PGBD1: variants seen among roughly 807,000 people sequenced by gnomAD.
PGBD1 encodes the protein piggyBac transposable element-derived protein 1.
Under a neutral mutation model 34.7 loss-of-function variants are expected in PGBD1, and 25 were observed. The ratio of observed to expected loss-of-function variants is 0.72; its 90% CI spans 0.52 to 1.00. The LOEUF (loss-of-function observed/expected upper bound fraction) is 1.00, where lower values mean the gene tolerates loss of function less well. PGBD1 is among the 50% of genes least tolerant of loss of function. The probability of loss-of-function intolerance (pLI) is 0.00; values close to 1 mark genes in which losing one functional copy is unlikely to be tolerated. For missense variants in PGBD1, 830 were observed against 959.4 expected, an observed-to-expected ratio of 0.87 and a Z score of 1.78; for synonymous variants, 292 against 335.7, an observed-to-expected ratio of 0.87 and a Z score of 1.42.
rs375177248 is a variant in PGBD1, at chr6:28,301,020, G to T, written c.1166G>T (p.Ser389Ile). The change falls in exon 7 of 7, where the codon AGT becomes ATT. Residue 389 changes from serine (S) to isoleucine (I), a missense_variant. Coordinates refer to ENST00000682144, the MANE Select transcript of PGBD1 (RefSeq NM_032507.4). ...KLKVSCFPEK[S>I]WTKRDIKPNF... ...AAGGTATCATGTTTCCCAGAAAAGA[G>T]TTGGACCAAAAGAGACATTAAACCC... is the stretch of plus-strand genomic sequence containing the variant. The T allele has an allele frequency of 1.2e-6, 2 of 1,614,070 alleles. No individual in the cohort carries two copies. Among genetic ancestry groups the T allele is most frequent in the African/African-American group, 2.7e-5 (2 of 74,936 alleles).
chr6:28,300,224 T>C lies in PGBD1; in HGVS notation c.870-500T>C, dbSNP rs935698703. 1.3e-5 allele frequency among the ~76,000 whole-genome samples: 2 copies of C among 152,332 alleles called. No individual in the cohort carries two copies. Among genetic ancestry groups the C allele is most frequent in the Middle Eastern group, 3.4e-3 (1 of 294 alleles). On this transcript the variant is annotated intron_variant, in intron 6 of 6. Transcript: ENST00000682144. The surrounding 1 kb of genome is among the most constrained non-coding windows in gnomAD (Gnocchi z 4.0). Reference sequence around the variant, plus strand: ...AAGACCTGGTAAATAATAACCTTTTTTTCTTGTTCAGATTCAGAACCAATT... The same window carrying C: ...AAGACCTGGTAAATAATAACCTTTTCTTCTTGTTCAGATTCAGAACCAATT...
At chr6:28,297,473 C>T (rs1175939817) in intron 5 of PGBD1, among the ~76,000 whole-genome samples, 1 of 152,122 alleles carries the variant, frequency 6.6e-6, no homozygotes. Flanking sequence ...AACTCCTGGG[C>T]TCAACTGATC....
chr6:28,291,889 T>C (rs759386235), intron 4 of PGBD1, among the ~76,000 whole-genome samples: 14 of 152,188 alleles, frequency 9.2e-5, no homozygotes, highest in Non-Finnish European at 2.1e-4. Flanking sequence ...AAGCATTTGA[T>C]AAAATTCATT....
At chr6:28,282,360 A>C (rs776317208) in intron 1 of PGBD1, among the ~76,000 whole-genome samples, 1 of 152,214 alleles carries the variant, frequency 6.6e-6, no homozygotes, top group Non-Finnish European at 1.5e-5. Context: ...AAAACCCAGT[A>C]AAGATTAGAT....
rs761784644 is a variant in PGBD1 at position 28,300,122 on chromosome 6, A to G, written c.870-602A>G. Among the ~76,000 whole-genome samples the G allele has an allele frequency of 6.6e-6, 1 of 152,182 alleles. No individual in the cohort carries two copies. The highest frequency in any genetic ancestry group is 1.5e-5 in the Non-Finnish European group (1 of 68,034). On this transcript the variant is annotated intron_variant, in intron 6 of 6. Transcript: ENST00000682144. This position sits in a 1 kb window ranked among gnomAD's most constrained non-coding sequence, Gnocchi z 4.0. ...AGTTTCATTTGTTTTTCCCCAGAGT[A>G]GTATGTCCATCAGATGAATGTAGAA...
intron 4 of PGBD1, among the ~76,000 whole-genome samples, chr6:28,290,227 C>G (rs537090990): frequency 1.4e-4 from 21 of 152,256 alleles, no homozygotes; most frequent in Middle Eastern, 3.4e-3. Flanking sequence ...TCCCAAGTAG[C>G]TGGGACCACA....
intron 3 of PGBD1, among the ~76,000 whole-genome samples, chr6:28,286,130 C>CG (rs1762279350): frequency 6.6e-6 from 1 of 152,086 alleles, no homozygotes; most frequent in Non-Finnish European, 1.5e-5. Context: ...AAAAGTGAAT[C>CG]GGGGCAAGGC....
intron 3 of PGBD1, among the ~76,000 whole-genome samples, 194 bp downstream of exon 3, chr6:28,285,901 T>C (rs1314895305): frequency 6.6e-6 from 1 of 152,242 alleles, no homozygotes; most frequent in Non-Finnish European, 1.5e-5. Context: ...GTATACAATA[T>C]ATTATTATTA....
At chr6:28,288,766 G>C (rs1371552639) in intron 4 of PGBD1, among the ~76,000 whole-genome samples, 1 of 151,958 alleles carries the variant, frequency 6.6e-6, no homozygotes, top group Non-Finnish European at 1.5e-5. Flanking sequence ...GAGGTGGGTG[G>C]ATCACGAGGT....
At position 28,302,383 on chromosome 6, in the gene PGBD1, A is replaced by G; in HGVS notation, c.*99A>G. 4 of 1,188,088 alleles carry G rather than the reference A, an allele frequency of 3.4e-6. No individual in the cohort carries two copies. The highest frequency in any genetic ancestry group is 4.6e-6 in the Non-Finnish European group (4 of 862,250). The allele number at this position is 1,188,088 out of a possible 1,614,324, so 73.6% of individuals were successfully genotyped here. A position where few individuals can be genotyped will look rare whatever the true frequency, so the allele number is the denominator to read the frequency against. ...TCCCAAAGTAAATCTGATATATGTA[A>G]TGAAGTTATTAAATAATACTTTTAA... On this transcript the variant is annotated 3_prime_UTR_variant, in exon 7 of 7. Transcript: ENST00000682144.
At chr6:28,285,838 CT>C in intron 3 of PGBD1, 131 bp downstream of exon 3, 2 of 903,680 alleles carry the variant, frequency 2.2e-6, no homozygotes, top group Non-Finnish European at 3.3e-6. Context: ...TCACAGTTAC[CT>C]TTTATGTGTC....
rs554045225 is a variant in PGBD1 at position 28,284,333 on chromosome 6, C to T, written c.396+124C>T. ...AAGTATTAGAAGAATAGAGAACTCC[C>T]GTAAAACTCTTCATCCAAATTTGCC... On this transcript the variant is annotated intron_variant, in intron 2 of 6. Coordinates refer to ENST00000682144, the MANE Select transcript of PGBD1 (RefSeq NM_032507.4). The T allele has an allele frequency of 5.6e-5, 63 of 1,124,380 alleles. 1 individual carries two copies. The East Asian group carries it at 6.9e-4, about 12-fold the overall frequency. 69.7% of individuals were successfully genotyped at this position (1,124,380 alleles called of 1,614,324 possible). A position where few individuals can be genotyped will look rare whatever the true frequency, so the allele number is the denominator to read the frequency against.
At position 28,283,762 on chromosome 6, in the gene PGBD1, A is replaced by G. The variant is rs41269291; in HGVS notation, c.-38-14A>G. ...ATAAATTCTTATGCCTCAGATCTCT[A>G]TTTCTGAATATAGACCCCAAGCTAA... is the stretch of plus-strand genomic sequence containing the variant. On this transcript the variant is annotated splice_polypyrimidine_tract_variant and intron_variant, in intron 1 of 6. Coordinates refer to ENST00000682144, the MANE Select transcript of PGBD1 (RefSeq NM_032507.4). 72,148 of 1,508,868 alleles carry G rather than the reference A, an allele frequency of 0.048. 2,042 individuals carry two copies. The highest frequency in any genetic ancestry group is 0.056 in the Non-Finnish European group (63,361 of 1,129,866). The allele number at this position is 1,508,868 out of a possible 1,614,324, so 93.5% of individuals were successfully genotyped here. A position where few individuals can be genotyped will look rare whatever the true frequency, so the allele number is the denominator to read the frequency against.
chr6:28,290,350 C>G (rs1762408991), intron 4 of PGBD1, among the ~76,000 whole-genome samples: 1 of 152,316 alleles, frequency 6.6e-6, no homozygotes, highest in Admixed American at 6.5e-5. Context: ...CCCACCTTGA[C>G]CTCCCAAAGT....
At position 28,300,405 on chromosome 6, in the gene PGBD1, A is replaced by G. The variant is rs143135058; in HGVS notation, c.870-319A>G. Among the ~76,000 whole-genome samples the G allele has an allele frequency of 1.5e-3, 224 of 152,260 alleles. 2 individuals carry two copies. The highest frequency in any genetic ancestry group is 2.1e-3 in the Non-Finnish European group (144 of 68,024). Reference sequence around the variant, plus strand: ...ATGTCCCTCTGCATAGGTCTTCTCAATGCAACTTGGGGCACCAAGGAGCAT... The same window carrying G: ...ATGTCCCTCTGCATAGGTCTTCTCAGTGCAACTTGGGGCACCAAGGAGCAT... On this transcript the variant is annotated intron_variant, in intron 6 of 6. Coordinates refer to ENST00000682144, the MANE Select transcript of PGBD1 (RefSeq NM_032507.4). This position sits in a 1 kb window ranked among gnomAD's most constrained non-coding sequence, Gnocchi z 4.0.
Position 28,287,093 on chromosome 6 carries a change from C to T in PGBD1, c.567C>T (p.His189=), listed in dbSNP as rs748628317. 3.7e-6 allele frequency: 6 copies of T among 1,613,714 alleles called. No homozygotes were observed. Among genetic ancestry groups the T allele is most frequent in the East Asian group, 2.2e-5 (1 of 44,880 alleles). The change falls in exon 4 of 7, where the codon CAC becomes CAT. Residue 189 remains histidine, a synonymous_variant. Transcript: ENST00000682144. ...CTCTCTCTGCAGGGCCTGTTCCCCA[C>T]GGATCAGCTCATCTCCAGGAAAAAA... The part of the protein sequence containing the change: ...NPQEVSGPVP[H]GSAHLQEKNP...
intron 3 of PGBD1, 101 bp downstream of exon 3, chr6:28,285,808 C>T (rs759076949): frequency 2.1e-5 from 26 of 1,222,928 alleles, no homozygotes; most frequent in Non-Finnish European, 2.8e-5. Flanking sequence ...AAATGATTAC[C>T]ACAAGCTAAC....
intron 4 of PGBD1, among the ~76,000 whole-genome samples, chr6:28,292,190 C>T (rs1026526085): frequency 1.3e-5 from 2 of 152,062 alleles, no homozygotes; most frequent in Non-Finnish European, 2.9e-5. Flanking sequence ...CTGAAGACTA[C>T]ACCAAAAAAA....
In PGBD1 at chr6:28,281,682, G is replaced by A. The variant is rs1387238411; in HGVS notation, c.-275G>A. The A allele has an allele frequency of 1.7e-5, 6 of 345,230 alleles. No individual in the cohort carries two copies. The allele number at this position is 345,230 out of a possible 1,614,324, so 21.4% of individuals were successfully genotyped here. On this transcript the variant is annotated 5_prime_UTR_variant, in exon 1 of 7. Transcript: ENST00000682144. ...CGACAGGGGAGCACCGGGCCTCTGA[G>A]CTCCCTCGGGAGCCTTTCACGAGGT... is the stretch of plus-strand genomic sequence containing the variant.
Sources: allele counts gnomAD v4.1 joint callset (sites outside exome capture counted in the v4.1 genomes callset), GRCh38; gene constraint gnomAD v4.1.1; non-coding constraint Gnocchi (gnomAD v3.1); transcripts MANE v1.5; gene names NCBI Gene and HGNC (gene_info 2026-07-23, HGNC 2026-07-21).